The following CABLES1 variants were observed in gnomAD, a reference collection of about 807,000 sequenced individuals.
The protein encoded by CABLES1 is CDK5 and ABL1 enzyme substrate 1.
CABLES1 carries 36 observed loss-of-function variants against 57.8 expected under a neutral mutation model. The observed-to-expected ratio is 0.62, with a 90% CI of 0.48 to 0.82. The LOEUF is 0.82. Ranked by LOEUF, CABLES1 falls within the 40% of genes least tolerant of loss-of-function variation. CABLES1 has a pLI of 0.00. For missense variants in CABLES1, 767 were observed against 836.6 expected, an observed-to-expected ratio of 0.92 and a Z score of 1.03; for synonymous variants, 374 against 363.0, an observed-to-expected ratio of 1.03 and a Z score of -0.35.
intron 1 of CABLES1, among the ~76,000 whole-genome samples, chr18:23,177,126 C>T (rs997206525): frequency 2.0e-5 from 3 of 152,012 alleles, no homozygotes; most frequent in Non-Finnish European, 2.9e-5. Context: ...AAAATAAATG[C>T]GTATCTGGCT....
intron 4 of CABLES1, among the ~76,000 whole-genome samples, chr18:23,228,134 C>A (rs1358552960): frequency 6.6e-6 from 1 of 152,128 alleles, no homozygotes. Context: ...TTAATTAGTT[C>A]ATTGATCATG....
intron 4 of CABLES1, among the ~76,000 whole-genome samples, chr18:23,220,388 G>GTATTAC (rs2047478037): frequency 6.6e-6 from 1 of 152,094 alleles, no homozygotes; most frequent in South Asian, 2.1e-4. Context: ...GCAGGTGCCA[G>GTATTAC]TATTACCATT....
chr18:23,244,359 T>G (rs2047821445), intron 7 of CABLES1, among the ~76,000 whole-genome samples: 1 of 152,248 alleles, frequency 6.6e-6, no homozygotes, highest in Non-Finnish European at 1.5e-5. Flanking sequence ...GTGCAAACCC[T>G]TTCATTTCAG....
chr18:23,218,977 C>T (rs1234281177), intron 4 of CABLES1, among the ~76,000 whole-genome samples: 1 of 152,142 alleles, frequency 6.6e-6, no homozygotes, highest in Non-Finnish European at 1.5e-5. Context: ...TGACCAACAC[C>T]CACAATTATA....
At chr18:23,208,887 A>G (rs942821416) in intron 3 of CABLES1, among the ~76,000 whole-genome samples, 6 of 152,102 alleles carry the variant, frequency 3.9e-5, no homozygotes, top group African/African-American at 4.8e-5. Context: ...CATCACTTCC[A>G]TCTCTGTCTC....
intron 1 of CABLES1, among the ~76,000 whole-genome samples, chr18:23,139,459 TTTC>T (rs943326440): frequency 1.3e-5 from 2 of 151,420 alleles, no homozygotes; most frequent in African/African-American, 4.9e-5. Context: ...CTTGAAACCC[TTTC>T]TTCTTGGTTA....
Position 23,223,122 on chromosome 18 carries a change from G to A in CABLES1, c.1088+9068G>A, listed in dbSNP as rs1446107317. On this transcript the variant is annotated intron_variant, in intron 4 of 9. Transcript: ENST00000256925. ...ACTGGCTTCTGCAGTCTTTGCTCGAGCCCTGTTGGAATTCCCTGGCTTTTG... is the reference window on the plus strand; with the variant it reads ...ACTGGCTTCTGCAGTCTTTGCTCGAACCCTGTTGGAATTCCCTGGCTTTTG... Among the ~76,000 whole-genome samples the A allele has an allele frequency of 2.6e-5, 4 of 152,312 alleles. No homozygotes were observed. The East Asian group carries it at 7.7e-4, about 29-fold the overall frequency.
chr18:23,155,813 G>A, intron 1 of CABLES1: 1 of 1,601,468 alleles, frequency 6.2e-7, no homozygotes, highest in Non-Finnish European at 8.5e-7. Flanking sequence ...AACAGTGCTT[G>A]CTTAGCCTCC....
intron 1 of CABLES1, among the ~76,000 whole-genome samples, chr18:23,184,545 A>G (rs2047189393): frequency 6.6e-6 from 1 of 152,116 alleles, no homozygotes; most frequent in African/African-American, 2.4e-5. Flanking sequence ...TCTACTAAAA[A>G]TACAAAAATT....
chr18:23,240,983 C>G (rs1244087403), intron 7 of CABLES1, among the ~76,000 whole-genome samples: 1 of 152,242 alleles, frequency 6.6e-6, no homozygotes, highest in Non-Finnish European at 1.5e-5. Flanking sequence ...GTAACCACTG[C>G]TCTGATCCAG....
intron 1 of CABLES1, among the ~76,000 whole-genome samples, chr18:23,183,581 T>C (rs1357035163): frequency 6.6e-6 from 1 of 152,160 alleles, no homozygotes; most frequent in Non-Finnish European, 1.5e-5. Flanking sequence ...ATCTAACTTG[T>C]AACTGTCAGA....
intron 1 of CABLES1, among the ~76,000 whole-genome samples, chr18:23,183,098 C>G (rs1310267962): frequency 6.6e-6 from 1 of 152,220 alleles, no homozygotes; most frequent in Non-Finnish European, 1.5e-5. Flanking sequence ...CCTGCGTCCC[C>G]TCATCAGTGT....
intron 3 of CABLES1, 78 bp downstream of exon 3, chr18:23,194,618 C>A: frequency 1.1e-6 from 1 of 947,560 alleles, no homozygotes; most frequent in Non-Finnish European, 1.7e-6. Context: ...GTTTTAGTGG[C>A]CAAAACTCAG....
intron 3 of CABLES1, among the ~76,000 whole-genome samples, chr18:23,206,525 G>A (rs991714020): frequency 4.6e-5 from 7 of 152,348 alleles, no homozygotes; most frequent in African/African-American, 1.7e-4. Flanking sequence ...TTGTGTGGGG[G>A]TCCACAGATC....
At position 23,135,969 on chromosome 18, in the gene CABLES1, C is replaced by A. The variant is rs1340184979; in HGVS notation, c.207C>A (p.Leu69=). 1 of 1,140,780 alleles carries A rather than the reference C, an allele frequency of 8.8e-7. No homozygotes were observed. The highest frequency in any genetic ancestry group is 4.7e-5 in the East Asian group (1 of 21,248). The allele number at this position is 1,140,780 out of a possible 1,614,324, so 70.7% of individuals were successfully genotyped here. A position where few individuals can be genotyped will look rare whatever the true frequency, so the allele number is the denominator to read the frequency against. The change falls in exon 1 of 10, where the codon CTC becomes CTA. Residue 69 remains leucine (L), a synonymous_variant. Transcript: ENST00000256925. ...PRRRQAALSF[L]TNISLDGRLP... Reference sequence around the variant, plus strand: ...GCCGCCAGGCTGCCCTCTCCTTCCTCACCAACATCTCGCTGGACGGCCGGC... The same window carrying A: ...GCCGCCAGGCTGCCCTCTCCTTCCTAACCAACATCTCGCTGGACGGCCGGC...
chr18:23,248,876 C>G (rs1039229037), intron 7 of CABLES1, among the ~76,000 whole-genome samples: 2 of 152,204 alleles, frequency 1.3e-5, no homozygotes, highest in Admixed American at 6.5e-5. Context: ...TTACTAGAAT[C>G]ATTGAGGAGG....
Position 23,137,426 on chromosome 18 carries a change from C to CA in CABLES1, c.845+823dup, listed in dbSNP as rs1021671362. Among the ~76,000 whole-genome samples the CA allele has an allele frequency of 5.1e-4, 77 of 152,282 alleles. No individual in the cohort carries two copies. In the Middle Eastern group the frequency reaches 0.01, roughly 20 times the overall value. ...TTGGGACTGTGTGAACTGAAGCTTG[C>CA]AAAAGAAGTAGGCGAGTAGGCGGGA... On this transcript the variant is annotated intron_variant, in intron 1 of 9. Transcript: ENST00000256925.
chr18:23,221,001 C>T (rs774305553), intron 4 of CABLES1, among the ~76,000 whole-genome samples: 1 of 152,172 alleles, frequency 6.6e-6, no homozygotes, highest in South Asian at 2.1e-4. Context: ...CCCTGAAGTG[C>T]TGCCAGCTCG....
intron 1 of CABLES1, among the ~76,000 whole-genome samples, chr18:23,184,321 G>A (rs1163781854): frequency 1.3e-5 from 2 of 151,858 alleles, no homozygotes; most frequent in Non-Finnish European, 2.9e-5. Context: ...GTGTGTGTGT[G>A]TGTGTGTGTG....
Sources: gnomAD v4.1 joint callset for allele counts (sites outside exome capture counted in the v4.1 genomes callset) on GRCh38, gnomAD v4.1.1 for gene constraint, MANE v1.5 for transcripts, NCBI Gene and HGNC (gene_info 2026-07-23, HGNC 2026-07-21) for gene names.